CNKSR2: variants seen among roughly 807,000 people sequenced by gnomAD.
CNKSR2 encodes CNK homolog protein 2.
CNKSR2 carries 14 observed loss-of-function variants against 84.4 expected under a neutral mutation model. That is an observed-to-expected ratio of 0.17 (90% CI 0.11 to 0.26). The LOEUF is 0.26. CNKSR2 is among the 10% of genes least tolerant of loss of function. CNKSR2 has a pLI of 1.00. For synonymous variants in CNKSR2, 275 were observed against 277.9 expected (o/e 0.99, Z 0.10); for missense variants, 485 against 771.2 (o/e 0.63, Z 4.40).
chrX:21,470,848 A>T, intron 5 of CNKSR2, 41 bp downstream of exon 5: 2 of 787,855 alleles, frequency 2.5e-6, no homozygotes, highest in South Asian at 5.8e-5. Flanking sequence ...ATTAGAGGAT[A>T]TTTCCTTGTT....
chrX:21,426,917 C>G (rs913911561), intron 2 of CNKSR2: 2 of 336,642 alleles, frequency 5.9e-6, no homozygotes, highest in Non-Finnish European at 5.1e-6. Context: ...GTGTATGTCT[C>G]ATAAGCAGGG....
intron 1 of CNKSR2, among the ~76,000 whole-genome samples, chrX:21,389,003 T>A (rs1217304393): frequency 9.2e-6 from 1 of 108,801 alleles, no homozygotes; most frequent in Non-Finnish European, 1.9e-5. Flanking sequence ...TATGATATGA[T>A]GAGAATGGTT....
Position 21,608,441 on chromosome X carries a change from C to T in CNKSR2, c.2146-630C>T, listed in dbSNP as rs188576027. ...TTAAATTCCAGGGATAAAAATTTTC[C>T]ATTTTTCTTTTATATTTATGTGCCC... is the stretch of plus-strand genomic sequence containing the variant. On this transcript the variant is annotated intron_variant, in intron 19 of 21. Coordinates refer to ENST00000379510, the MANE Select transcript of CNKSR2 (RefSeq NM_014927.5). Among the ~76,000 whole-genome samples the T allele has an allele frequency of 9.0e-5, 10 of 111,568 alleles. No individual in the cohort carries two copies. In the East Asian group the frequency reaches 2.5e-3, roughly 28 times the overall value.
chrX:21,556,379 G>A (rs2092140132), intron 11 of CNKSR2, among the ~76,000 whole-genome samples: 1 of 111,211 alleles, frequency 9.0e-6, no homozygotes, highest in Admixed American at 9.6e-5. Flanking sequence ...GACTATAATT[G>A]TCATGCTACA....
chrX:21,484,579 A>G (rs1318724138), intron 5 of CNKSR2, among the ~76,000 whole-genome samples: 1 of 111,348 alleles, frequency 9.0e-6, no homozygotes, highest in Non-Finnish European at 1.9e-5. Flanking sequence ...TATTCCTTGT[A>G]TATACGTATA....
At chrX:21,552,104 A>T (rs1360883875) in intron 11 of CNKSR2, among the ~76,000 whole-genome samples, 1 of 110,488 alleles carries the variant, frequency 9.1e-6, no homozygotes, top group African/African-American at 3.3e-5. Flanking sequence ...CATGAGAAAA[A>T]AAAAAAAAAC....
At chrX:21,565,976 T>C (rs2092234383) in intron 13 of CNKSR2, among the ~76,000 whole-genome samples, 1 of 111,861 alleles carries the variant, frequency 8.9e-6, no homozygotes. Context: ...ATACAAGTAC[T>C]GTTGTCAGGA....
intron 8 of CNKSR2, 146 bp from the exon 9 acceptor site, chrX:21,516,339 T>G (rs2147096125): frequency 5.5e-6 from 3 of 547,203 alleles, no homozygotes; most frequent in African/African-American, 2.4e-5. Context: ...AAGATAAAAT[T>G]TATTGAGTAT....
chrX:21,588,893 A>C (rs1229871832), intron 13 of CNKSR2, among the ~76,000 whole-genome samples: 1 of 112,262 alleles, frequency 8.9e-6, no homozygotes, highest in Non-Finnish European at 1.9e-5. Context: ...TACAAAGGGA[A>C]AAAAAACCCC....
intron 1 of CNKSR2, among the ~76,000 whole-genome samples, chrX:21,391,092 G>T (rs2090043485): frequency 8.9e-6 from 1 of 112,829 alleles, no homozygotes; most frequent in African/African-American, 3.2e-5. Context: ...CTCTGGCCCT[G>T]TGTCTTTGAA....
chrX:21,497,713 A>G, intron 6 of CNKSR2, 74 bp from the exon 7 acceptor site: 2 of 543,959 alleles, frequency 3.7e-6, no homozygotes, highest in African/African-American at 2.3e-5. Context: ...AATTTTTTAT[A>G]TAAACGAGGT....
intron 1 of CNKSR2, among the ~76,000 whole-genome samples, chrX:21,390,653 G>A (rs1169703594): frequency 9.0e-6 from 1 of 111,529 alleles, no homozygotes; most frequent in Non-Finnish European, 1.9e-5. Flanking sequence ...TGAGTTTTGG[G>A]TGGGGCCACA....
intron 5 of CNKSR2, among the ~76,000 whole-genome samples, chrX:21,484,230 G>A (rs957843867): frequency 4.5e-5 from 5 of 111,762 alleles, no homozygotes; most frequent in Non-Finnish European, 9.4e-5. Flanking sequence ...GTCAGAGGCT[G>A]CAGTGAGCTG....
chrX:21,389,698 C>T (rs2090021534), intron 1 of CNKSR2, among the ~76,000 whole-genome samples: 1 of 112,204 alleles, frequency 8.9e-6, no homozygotes, highest in South Asian at 3.7e-4. Context: ...CCCAGTACTA[C>T]TCATAATTCT....
At chrX:21,515,929 T>G (rs1237527649) in intron 8 of CNKSR2, among the ~76,000 whole-genome samples, 1 of 111,691 alleles carries the variant, frequency 9.0e-6, no homozygotes, top group Non-Finnish European at 1.9e-5. Context: ...CTTTATAGCA[T>G]GGTAAAAGGT....
chrX:21,513,365 A>G (rs763298213), intron 8 of CNKSR2, among the ~76,000 whole-genome samples: 1 of 112,012 alleles, frequency 8.9e-6, no homozygotes, highest in East Asian at 2.8e-4. Context: ...ATTTTACTCA[A>G]ACTAATCTTT....
chrX:21,650,898 G>T (rs968568448), intron 21 of CNKSR2, among the ~76,000 whole-genome samples: 5 of 111,970 alleles, frequency 4.5e-5, no homozygotes, highest in Middle Eastern at 4.7e-3. Flanking sequence ...CGTAAGAATA[G>T]TTGCAGTGAC....
chrX:21,547,378 A>G (rs1231789123), intron 11 of CNKSR2, among the ~76,000 whole-genome samples: 4 of 111,855 alleles, frequency 3.6e-5, no homozygotes, highest in African/African-American at 1.3e-4. Context: ...AGAAGAGCTA[A>G]CTATCCTAAA....
intron 13 of CNKSR2, among the ~76,000 whole-genome samples, chrX:21,585,518 G>T: frequency 9.2e-6 from 1 of 109,250 alleles, no homozygotes; most frequent in South Asian, 3.9e-4. Context: ...AGAAGGAAAA[G>T]AGTTAAAGTT....
Sources: allele counts gnomAD v4.1 joint callset (sites outside exome capture counted in the v4.1 genomes callset), GRCh38; gene constraint gnomAD v4.1.1; transcripts MANE v1.5; gene names NCBI Gene and HGNC (gene_info 2026-07-23, HGNC 2026-07-21).